CFAP263: variants seen among roughly 807,000 people sequenced by gnomAD.
The protein encoded by CFAP263 is cilia and flagella associated protein 263.
At chr16:58,278,247 G>A in the CFAP263 span, among the ~76,000 whole-genome samples, 2 of 149,576 alleles carry the variant, frequency 1.3e-5, no homozygotes, top group Admixed American at 1.3e-4. Context: ...GGGAAGAAAA[G>A]GAATGAAAGA....
At chr16:58,257,010 A>ATTTTTT in the CFAP263 span, among the ~76,000 whole-genome samples, 3 of 50,198 alleles carry the variant, frequency 6.0e-5, no homozygotes, top group Non-Finnish European at 1.1e-4. Context: ...GCATATATGA[A>ATTTTTT]TTTCTTTTTT....
At chr16:58,270,028 C>T in the CFAP263 span, among the ~76,000 whole-genome samples, 1 of 152,184 alleles carries the variant, frequency 6.6e-6, no homozygotes, top group Non-Finnish European at 1.5e-5. Flanking sequence ...AATGCCCATC[C>T]TACTTGCTAT....
chr16:58,269,463 G>T, the CFAP263 span, among the ~76,000 whole-genome samples: 1 of 151,956 alleles, frequency 6.6e-6, no homozygotes. Flanking sequence ...GAAAAGAAAA[G>T]AAAAGATCCT....
chr16:58,251,185 A>T, the CFAP263 span, among the ~76,000 whole-genome samples: 1 of 152,320 alleles, frequency 6.6e-6, no homozygotes, highest in African/African-American at 2.4e-5. Flanking sequence ...ATATGATGAC[A>T]CTGCAACCCT....
the CFAP263 span, among the ~76,000 whole-genome samples, chr16:58,261,759 G>A: frequency 6.6e-6 from 1 of 152,162 alleles, no homozygotes; most frequent in Non-Finnish European, 1.5e-5. Context: ...TGGGAGTGAG[G>A]AACAGCAGTT....
chr16:58,269,839 CT>C, the CFAP263 span, among the ~76,000 whole-genome samples: 30 of 152,066 alleles, frequency 2.0e-4, no homozygotes, highest in African/African-American at 7.2e-4. Flanking sequence ...GACGTGTTTT[CT>C]TTTCTCTTGG....
At chr16:58,253,305 C>T in the CFAP263 span, among the ~76,000 whole-genome samples, 4 of 151,898 alleles carry the variant, frequency 2.6e-5, no homozygotes, top group Non-Finnish European at 5.9e-5. Flanking sequence ...TGCTTGAGCC[C>T]AGGAGTTTGA....
At chr16:58,252,890 T>C in the CFAP263 span, 8 of 1,607,296 alleles carry the variant, frequency 5.0e-6, no homozygotes, top group Middle Eastern at 1.7e-4. Flanking sequence ...TTTTATTGTT[T>C]GTCACCTTAA....
the CFAP263 span, among the ~76,000 whole-genome samples, chr16:58,261,097 A>T: frequency 6.6e-6 from 1 of 152,176 alleles, no homozygotes; most frequent in Non-Finnish European, 1.5e-5. Flanking sequence ...ATAATTGGTA[A>T]ACTAGAGTTC....
the CFAP263 span, chr16:58,262,649 C>A: frequency 1.0e-6 from 1 of 986,808 alleles, no homozygotes; most frequent in South Asian, 2.1e-5. Context: ...TTGGGTGCCC[C>A]CTCGCTGTCA....
At chr16:58,275,678 A>G in the CFAP263 span, among the ~76,000 whole-genome samples, 26 of 152,210 alleles carry the variant, frequency 1.7e-4, no homozygotes, top group African/African-American at 6.0e-4. Flanking sequence ...AATATTTGAT[A>G]AAGCTTTGAT....
chr16:58,270,469 TTAAAG>T, the CFAP263 span, among the ~76,000 whole-genome samples: 2 of 152,040 alleles, frequency 1.3e-5, no homozygotes, highest in African/African-American at 4.8e-5. Flanking sequence ...TTGCACTATC[TTAAAG>T]TAAAAAAAAA....
chr16:58,261,635 T>G, the CFAP263 span, among the ~76,000 whole-genome samples: 1 of 152,100 alleles, frequency 6.6e-6, no homozygotes, highest in East Asian at 1.9e-4. Flanking sequence ...GAAAACAGGT[T>G]GGGAGCATTG....
At chr16:58,280,260 A>G in the CFAP263 span, 6 of 1,613,658 alleles carry the variant, frequency 3.7e-6, no homozygotes, top group Non-Finnish European at 5.1e-6. Context: ...GCACGAAGGA[A>G]ACCAAGATGA....
At chr16:58,266,403 ATATTTTTT>A in the CFAP263 span, among the ~76,000 whole-genome samples, 9 of 29,456 alleles carry the variant, frequency 3.1e-4, no homozygotes, top group East Asian at 1.0e-3. Context: ...ATATATATAT[ATATTTTTT>A]TTTTTTTTTT....
chr16:58,275,100 G>C, the CFAP263 span, among the ~76,000 whole-genome samples: 16,493 of 152,230 alleles, frequency 0.11, 1,006 homozygotes, highest in Admixed American at 0.13. Context: ...CAGACAGGAG[G>C]TATTCACTGA....
At chr16:58,258,567 C>T in the CFAP263 span, 2 of 1,578,048 alleles carry the variant, frequency 1.3e-6, no homozygotes, top group East Asian at 2.2e-5. Flanking sequence ...AACATTCTTA[C>T]AGGGATGTTA....
chr16:58,251,645 G>A, the CFAP263 span, among the ~76,000 whole-genome samples: 3 of 152,298 alleles, frequency 2.0e-5, no homozygotes, highest in Non-Finnish European at 4.4e-5. Context: ...ACCTGCCTCG[G>A]CTTCCCAAAG....
chr16:58,279,674 C>CTTTTTTTTT, the CFAP263 span: 1 of 1,397,214 alleles, frequency 7.2e-7, no homozygotes, highest in Non-Finnish European at 9.7e-7. Context: ...TTCTTTTTTT[C>CTTTTTTTTT]TTTTTTTTTT....
Sources: allele counts gnomAD v4.1 joint callset (sites outside exome capture counted in the v4.1 genomes callset), GRCh38; gene constraint gnomAD v4.1.1; transcripts MANE v1.5; gene names NCBI Gene and HGNC (gene_info 2026-07-23, HGNC 2026-07-21).